Variants in SDHA observed in about 807,000 individuals in gnomAD.
SDHA encodes succinate dehydrogenase [ubiquinone] flavoprotein subunit, mitochondrial.
Under a neutral mutation model 78.4 loss-of-function variants are expected in SDHA, and 48 were observed. That is an observed-to-expected ratio of 0.61 (90% CI 0.49 to 0.78). The LOEUF (loss-of-function observed/expected upper bound fraction) is 0.78. SDHA is among the 30% of genes least tolerant of loss of function. The pLI is 0.00. For missense variants in SDHA, 680 were observed against 892.7 expected (o/e 0.76, Z 3.04); for synonymous variants, 326 against 353.9 (o/e 0.92, Z 0.88).
At chr5:219,308 A>C (rs184460331) in intron 1 of SDHA, among the ~76,000 whole-genome samples, 1 of 152,218 alleles carries the variant, frequency 6.6e-6, no homozygotes, top group Admixed American at 6.5e-5. Flanking sequence ...CTACGATTGC[A>C]TCTTAAGAAT....
At chr5:235,426 G>C in intron 9 of SDHA, 87 bp downstream of exon 9, 2 of 1,278,570 alleles carry the variant, frequency 1.6e-6, no homozygotes, top group Non-Finnish European at 1.1e-6. Flanking sequence ...GATCTTACAG[G>C]AAAAGATAGA....
rs34504623 is a variant in SDHA at position 254,521 on chromosome 5, C to T, written c.1908+15C>T. On this transcript the variant is annotated intron_variant, in intron 14 of 14. Coordinates refer to ENST00000264932, the MANE Select transcript of SDHA (RefSeq NM_004168.4). The stretch of plus-strand genomic sequence containing the variant: ...GCACTGGGAAGGTCAGTGTGGAGCT[C>T]GTTCTCACCACAGCCCAGCACCCAC... The T allele has an allele frequency of 0.11, 162,081 of 1,540,732 alleles. 9,916 individuals carry two copies. Among genetic ancestry groups the T allele is most frequent in the Non-Finnish European group, 0.12 (139,561 of 1,141,272 alleles).
At chr5:248,758 G>A (rs1736629859) in intron 11 of SDHA, among the ~76,000 whole-genome samples, 1 of 152,176 alleles carries the variant, frequency 6.6e-6, no homozygotes, top group South Asian at 2.1e-4. Context: ...ATCTCCTAAG[G>A]GGATGTTTAG....
In SDHA at chr5:235,198, A is replaced by G. The variant is rs1428505412; in HGVS notation, c.1119A>G (p.Pro373=). The G allele has an allele frequency of 6.2e-7, 1 of 1,613,982 alleles. No individual in the cohort carries two copies. The highest frequency in any genetic ancestry group is 8.5e-7 in the Non-Finnish European group (1 of 1,179,862). ...ACCTGCAGCTGCACCACCTACCTCC[A>G]GAGCAGCTGGCCACGCGCCTGCCTG... The part of the protein sequence containing the change: ...HVYLQLHHLP[P]EQLATRLPGI... The change falls in exon 9 of 15, where the codon CCA becomes CCG. Residue 373 remains proline (P), a synonymous_variant. Transcript: ENST00000264932.
intron 1 of SDHA, among the ~76,000 whole-genome samples, chr5:221,502 CT>C (rs1217488025): frequency 6.6e-6 from 1 of 152,206 alleles, no homozygotes; most frequent in Non-Finnish European, 1.5e-5. Flanking sequence ...ATGAGGACCC[CT>C]TACTTTGCTA....
chr5:240,266 T>C, intron 10 of SDHA, 92 bp from the exon 11 acceptor site: 1 of 771,240 alleles, frequency 1.3e-6, no homozygotes, highest in South Asian at 1.5e-5. Flanking sequence ...GCTCCTTGAG[T>C]GGCTGTGCTA....
intron 13 of SDHA, 188 bp downstream of exon 13, chr5:251,656 C>T (rs748462745): frequency 5.7e-5 from 87 of 1,524,288 alleles, no homozygotes; most frequent in South Asian, 2.8e-4. Flanking sequence ...GTGACCTTTT[C>T]CTTGCTTTGG....
At chr5:267,658 G>A in the SDHA span, among the ~76,000 whole-genome samples, 2 of 152,166 alleles carry the variant, frequency 1.3e-5, no homozygotes, top group Non-Finnish European at 2.9e-5. Context: ...TGAGAGAAAC[G>A]AGACCAAAGG....
In SDHA at chr5:256,823, CTTTTCTTTTT is replaced by C. The variant is rs1352617836; in HGVS notation, c.*408_*417del. 6.1e-4 allele frequency: 138 copies of C among 227,832 alleles called. 4 individuals carry two copies. Among genetic ancestry groups the C allele is most frequent in the African/African-American group, 3.5e-3 (134 of 38,056 alleles). The allele number at this position is 227,832 out of a possible 1,614,324, so 14.1% of individuals were successfully genotyped here. ...TTTGTATAGTTTCTTTTTTCTTTTT[CTTTTCTTTTT>C]TTTTTTTGAGACAGGATCGGTGCAG... On this transcript the variant is annotated 3_prime_UTR_variant, in exon 15 of 15. Coordinates refer to ENST00000264932, the MANE Select transcript of SDHA (RefSeq NM_004168.4).
intron 5 of SDHA, among the ~76,000 whole-genome samples, chr5:226,852 C>T (rs1735059707): frequency 6.7e-6 from 1 of 148,878 alleles, no homozygotes; most frequent in African/African-American, 2.5e-5. Context: ...TGGCGTGAAC[C>T]CAGGAGGCGG....
chr5:227,211 T>C (rs1483996034), intron 5 of SDHA, among the ~76,000 whole-genome samples: 14 of 152,114 alleles, frequency 9.2e-5, no homozygotes, highest in Non-Finnish European at 2.9e-5. Context: ...GGGTTTCCCA[T>C]GTTGCCCAGG....
chr5:222,010 G>C (rs1199012874), intron 1 of SDHA, among the ~76,000 whole-genome samples: 2 of 151,918 alleles, frequency 1.3e-5, no homozygotes, highest in Non-Finnish European at 2.9e-5. Context: ...TGTTCTTACT[G>C]GTGCTATTAC....
downstream of SDHA, among the ~76,000 whole-genome samples, chr5:261,417 T>C (rs1208040629): frequency 3.7e-5 from 2 of 53,844 alleles, no homozygotes; most frequent in East Asian, 5.2e-4. Flanking sequence ...GAGCTCCGCC[T>C]CCCGTCAGAG....
In SDHA at chr5:235,251, C is replaced by G. The variant is rs755344854; in HGVS notation, c.1172C>G (p.Ala391Gly). The change falls in exon 9 of 15, where the codon GCT (alanine) becomes GGT (glycine). Residue 391 changes from alanine (A) to glycine (G), a missense_variant. Ala to Gly is a moderately conservative substitution (Grantham distance 60). Coordinates refer to ENST00000264932, the MANE Select transcript of SDHA (RefSeq NM_004168.4). ...ATTTCAGAGACAGCCATGATCTTCG[C>G]TGGCGTGGACGTCACGAAGGAGCCG... Reference protein sequence around the residue: ...PGISETAMIFAGVDVTKEPIP... With the variant: ...PGISETAMIFGGVDVTKEPIP... 6.2e-7 allele frequency: 1 copy of G among 1,613,948 alleles called. No homozygotes were observed. The highest frequency in any genetic ancestry group is 1.3e-5 in the African/African-American group (1 of 74,904).
intron 11 of SDHA, among the ~76,000 whole-genome samples, chr5:244,143 A>G (rs1561004586): frequency 6.6e-6 from 1 of 151,984 alleles, no homozygotes; most frequent in Non-Finnish European, 1.5e-5. Flanking sequence ...TTTCCGGCTC[A>G]GGCCACTCCC....
chr5:251,418 G>A lies in SDHA; in HGVS notation c.1744G>A (p.Ala582Thr). Residue 582 changes from alanine (A) to threonine (T), a missense_variant, in exon 13 of 15, where the codon GCA (alanine) becomes ACA (threonine). Ala to Thr is a moderately conservative substitution (Grantham distance 58). Coordinates refer to ENST00000264932, the MANE Select transcript of SDHA (RefSeq NM_004168.4). ...GTGTGCGCTGCAGACCATCTACGGA[G>A]CAGAGGCACGGAAGGAGTCACGGGG... The part of the protein sequence containing the change: ...MLCALQTIYG[A>T]EARKESRGAH... 1 of 1,613,942 alleles carries A rather than the reference G, an allele frequency of 6.2e-7. No individual in the cohort carries two copies. The highest frequency in any genetic ancestry group is 8.5e-7 in the Non-Finnish European group (1 of 1,179,864).
chr5:221,537 C>T (rs1484453292), intron 1 of SDHA, among the ~76,000 whole-genome samples: 2 of 152,190 alleles, frequency 1.3e-5, no homozygotes, highest in Admixed American at 1.3e-4. Context: ...AATGTCTCTG[C>T]ACTTCTTACT....
chr5:266,775 G>A, the SDHA span, among the ~76,000 whole-genome samples: 10,325 of 109,624 alleles, frequency 0.094, 862 homozygotes, highest in African/African-American at 0.29. Flanking sequence ...CGCTGTGTCT[G>A]AGATATTCAG....
intron 6 of SDHA, among the ~76,000 whole-genome samples, 165 bp from the exon 7 acceptor site, chr5:230,711 C>T (rs1009132809): frequency 1.3e-5 from 2 of 152,140 alleles, no homozygotes; most frequent in African/African-American, 2.4e-5. Flanking sequence ...GCACCAGTGG[C>T]GCGGCCCCTA....
Sources: allele counts gnomAD v4.1 joint callset (sites outside exome capture counted in the v4.1 genomes callset), GRCh38; gene constraint gnomAD v4.1.1; transcripts MANE v1.5; gene names NCBI Gene and HGNC (gene_info 2026-07-23, HGNC 2026-07-21).